Variants in CCDC169 observed in about 807,000 individuals in gnomAD.
The protein encoded by CCDC169 is coiled-coil domain containing 169.
In CCDC169, 30 loss-of-function variants were observed where a neutral mutation model predicts 36.0. That is an observed-to-expected ratio of 0.83 (90% CI 0.62 to 1.13). CCDC169 has a LOEUF of 1.13. Among genes scored for constraint, CCDC169 ranks in the 50% most tolerant of loss-of-function variants. The pLI is 0.00. For missense variants in CCDC169, 245 were observed against 245.9 expected, an observed-to-expected ratio of 1.00 and a Z score of 0.03; for synonymous variants, 85 against 81.5, an observed-to-expected ratio of 1.04 and a Z score of -0.23.
At chr13:36,246,559 A>T (rs1872525548) in intron 7 of CCDC169, among the ~76,000 whole-genome samples, 1 of 152,248 alleles carries the variant, frequency 6.6e-6, no homozygotes, top group South Asian at 2.1e-4. Flanking sequence ...AGGATGGTTC[A>T]TGAGGTTTAA....
At chr13:36,275,026 G>A (rs553865689) in intron 4 of CCDC169, among the ~76,000 whole-genome samples, 12 of 151,960 alleles carry the variant, frequency 7.9e-5, no homozygotes, top group South Asian at 2.1e-4. Flanking sequence ...CCACCATCAC[G>A]CCCGGCTAAT....
At chr13:36,273,055 T>G (rs1210833529) in intron 4 of CCDC169, among the ~76,000 whole-genome samples, 2 of 152,220 alleles carry the variant, frequency 1.3e-5, no homozygotes, top group Admixed American at 1.3e-4. Context: ...TGTTGTTTCC[T>G]CAACTTCTAT....
chr13:36,260,408 T>C (rs1874467942), intron 4 of CCDC169, among the ~76,000 whole-genome samples: 2 of 152,168 alleles, frequency 1.3e-5, no homozygotes, highest in African/African-American at 4.8e-5. Context: ...GGCATCCAAA[T>C]ATAGGAAAAA....
chr13:36,289,256 G>A (rs527370222), intron 2 of CCDC169, among the ~76,000 whole-genome samples: 2 of 152,292 alleles, frequency 1.3e-5, no homozygotes, highest in South Asian at 2.1e-4. Context: ...CCCCTGAGAA[G>A]GTCTGAGATG....
chr13:36,246,953 C>A (rs539271727), intron 7 of CCDC169, among the ~76,000 whole-genome samples: 4 of 152,286 alleles, frequency 2.6e-5, no homozygotes, highest in African/African-American at 9.6e-5. Context: ...GAGGAGAAGA[C>A]AATGCCTCGC....
At chr13:36,290,430 T>TGG (rs1878735222) in intron 2 of CCDC169, among the ~76,000 whole-genome samples, 1 of 152,146 alleles carries the variant, frequency 6.6e-6, no homozygotes, top group Non-Finnish European at 1.5e-5. Flanking sequence ...AGGCAGGGCT[T>TGG]ATTACCTTTT....
At chr13:36,252,850 T>G (rs1873340248) in intron 6 of CCDC169, among the ~76,000 whole-genome samples, 1 of 152,200 alleles carries the variant, frequency 6.6e-6, no homozygotes. Context: ...CATCCTAATC[T>G]TAAAACATAT....
chr13:36,222,136 A>G (rs1869644920), downstream of CCDC169: 1 of 152,198 alleles, frequency 6.6e-6, no homozygotes, highest in Admixed American at 6.5e-5. Context: ...TTAGTCAAAA[A>G]TATATGAAAC....
intron 2 of CCDC169, among the ~76,000 whole-genome samples, chr13:36,287,495 A>G (rs1878395735): frequency 6.6e-6 from 1 of 152,178 alleles, no homozygotes; most frequent in Non-Finnish European, 1.5e-5. Flanking sequence ...CTGGAGTTCC[A>G]AGGTAAAAGC....
intron 1 of CCDC169, among the ~76,000 whole-genome samples, chr13:36,297,425 G>C (rs2281867): frequency 0.25 from 38,764 of 152,016 alleles, 5,196 homozygotes; most frequent in East Asian, 0.49. Context: ...CATCCTACCC[G>C]GAAAGCTGCC....
At chr13:36,291,427 A>G (rs1878881369) in intron 2 of CCDC169, among the ~76,000 whole-genome samples, 1 of 152,196 alleles carries the variant, frequency 6.6e-6, no homozygotes, top group South Asian at 2.1e-4. Context: ...ATTTCTGGTC[A>G]GGAATATTGT....
At chr13:36,263,961 G>A (rs1161842210) in intron 4 of CCDC169, among the ~76,000 whole-genome samples, 1 of 152,056 alleles carries the variant, frequency 6.6e-6, no homozygotes. Flanking sequence ...TCCAAGTTTA[G>A]GCTACCATAG....
intron 7 of CCDC169, among the ~76,000 whole-genome samples, chr13:36,247,231 C>A (rs1211922200): frequency 1.3e-5 from 2 of 152,144 alleles, no homozygotes; most frequent in Non-Finnish European, 2.9e-5. Flanking sequence ...TGAGAATGTA[C>A]CTGGTTACAT....
chr13:36,240,085 C>A (rs1252143875), intron 7 of CCDC169, among the ~76,000 whole-genome samples: 1 of 151,978 alleles, frequency 6.6e-6, no homozygotes, highest in African/African-American at 2.4e-5. Context: ...GTTTTGGTAT[C>A]CACTGGTGGT....
intron 4 of CCDC169, among the ~76,000 whole-genome samples, chr13:36,272,228 A>G (rs1347823086): frequency 6.6e-6 from 1 of 151,852 alleles, no homozygotes; most frequent in African/African-American, 2.4e-5. Context: ...GACAAAAAAA[A>G]AAAACCATTT....
chr13:36,297,567 C>A (rs1879680532), intron 1 of CCDC169, 70 bp downstream of exon 1: 12 of 1,455,672 alleles, frequency 8.2e-6, no homozygotes, highest in Non-Finnish European at 3.7e-6. Flanking sequence ...CGGCTTCAGC[C>A]CTGAGACTCT....
chr13:36,242,366 T>C (rs1025447728), intron 7 of CCDC169, among the ~76,000 whole-genome samples: 3 of 152,178 alleles, frequency 2.0e-5, no homozygotes, highest in Non-Finnish European at 4.4e-5. Context: ...CACATGTCCT[T>C]TGGCCATTTG....
downstream of CCDC169, chr13:36,223,737 T>C (rs1869728159): frequency 6.6e-6 from 1 of 152,154 alleles, no homozygotes; most frequent in African/African-American, 2.4e-5. Flanking sequence ...ATTTTTTAAA[T>C]ATTAAATTAG....
At chr13:36,249,739 TTATTAA>T (rs1872919047) in intron 6 of CCDC169, among the ~76,000 whole-genome samples, 1 of 122,168 alleles carries the variant, frequency 8.2e-6, no homozygotes, top group Non-Finnish European at 2.0e-5. Flanking sequence ...CGAAGGGATA[TTATTAA>T]GTAAGTCCTA....
Sources: allele counts gnomAD v4.1 joint callset (sites outside exome capture counted in the v4.1 genomes callset), GRCh38; gene constraint gnomAD v4.1.1; transcripts MANE v1.5; gene names NCBI Gene and HGNC (gene_info 2026-07-23, HGNC 2026-07-21).